FAM20A: variants seen among roughly 807,000 people sequenced by gnomAD.
The protein encoded by FAM20A is FAM20A golgi associated secretory pathway pseudokinase.
A neutral mutation model predicts 52.0 loss-of-function variants in FAM20A; 42 were observed. The ratio of observed to expected loss-of-function variants is 0.81; its 90% CI spans 0.63 to 1.04. FAM20A has a LOEUF of 1.04. FAM20A is among the 50% of genes least tolerant of loss of function. The pLI is 0.00. For missense variants in FAM20A, 742 were observed against 712.7 expected (o/e 1.04, Z -0.47); for synonymous variants, 304 against 298.9 (o/e 1.02, Z -0.18).
At chr17:68,574,601 T>C (rs999959599) in intron 1 of FAM20A, among the ~76,000 whole-genome samples, 2 of 152,332 alleles carry the variant, frequency 1.3e-5, no homozygotes, top group Admixed American at 1.3e-4. Flanking sequence ...GAGTTATTGT[T>C]ACTGTGACTT....
chr17:68,559,696 C>CTG (rs2087155595), intron 1 of FAM20A, among the ~76,000 whole-genome samples: 1 of 152,212 alleles, frequency 6.6e-6, no homozygotes, highest in Non-Finnish European at 1.5e-5. Context: ...AATGTCAAGA[C>CTG]TCTTCCATCC....
intron 1 of FAM20A, among the ~76,000 whole-genome samples, chr17:68,591,594 A>G (rs977178197): frequency 6.6e-6 from 1 of 152,236 alleles, no homozygotes; most frequent in Non-Finnish European, 1.5e-5. Flanking sequence ...GAGACAGGAG[A>G]CAGCTAAGGG....
rs1242797128 is a variant in FAM20A at position 68,536,659 on chromosome 17, T to C, written c.*818A>G. On this transcript the variant is annotated 3_prime_UTR_variant, in exon 11 of 11. Transcript: ENST00000592554. The stretch of plus-strand genomic sequence containing the variant: ...TTGGTGGGCTGTAGTCAGCCTTGGC[T>C]CTTTTCCTGCCTTACTCCAGGCTTG... The C allele has an allele frequency of 2.2e-6, 1 of 452,748 alleles. No individual in the cohort carries two copies. Among genetic ancestry groups the C allele is most frequent in the East Asian group, 6.9e-5 (1 of 14,398 alleles). The allele number at this position is 452,748 out of a possible 1,614,324, so 28.0% of individuals were successfully genotyped here. A position where few individuals can be genotyped will look rare whatever the true frequency, so the allele number is the denominator to read the frequency against.
chr17:68,578,838 CAAAAAA>C lies in FAM20A; in HGVS notation c.404+21419_404+21424del, dbSNP rs5821664. Among the ~76,000 whole-genome samples, 9 of 36,072 alleles carry C rather than the reference CAAAAAA, an allele frequency of 2.5e-4. No individual in the cohort carries two copies. The South Asian group carries it at 7.7e-3, about 31-fold the overall frequency. 23.7% of individuals were successfully genotyped at this position (36,072 alleles called of 152,430 possible). ...GAAACCCTGTCTCTACTAAAAATAC[CAAAAAA>C]AAAAAAAAAAAAAAAAAAAAAATTA... On this transcript the variant is annotated intron_variant, in intron 1 of 10. Transcript: ENST00000592554.
chr17:68,581,391 T>TTTCTTTC (rs1358209972), intron 1 of FAM20A, among the ~76,000 whole-genome samples: 5 of 147,122 alleles, frequency 3.4e-5, no homozygotes, highest in Non-Finnish European at 7.5e-5. Context: ...TCTTTCTTTC[T>TTTCTTTC]TTCTTTCTTT....
chr17:68,537,409 C>T lies in FAM20A; in HGVS notation c.*68G>A, dbSNP rs2086124700. ...GCAGTAACAGGTGGGAGTGAGGACG[C>T]AGGGTCGGCACTCGAGTCGACTGCT... On this transcript the variant is annotated 3_prime_UTR_variant, in exon 11 of 11. Transcript: ENST00000592554. The surrounding 1 kb of genome is among the most constrained non-coding windows in gnomAD (Gnocchi z 4.2). The T allele has an allele frequency of 1.2e-6, 2 of 1,603,432 alleles. No homozygotes were observed. The highest frequency in any genetic ancestry group is 1.3e-5 in the African/African-American group (1 of 74,684).
chr17:68,571,997 TATATATATATATA>T (rs1463431672), intron 1 of FAM20A, among the ~76,000 whole-genome samples: 7 of 26,412 alleles, frequency 2.7e-4, no homozygotes, highest in Non-Finnish European at 4.6e-4. Flanking sequence ...CATATATATA[TATATATATATATA>T]TATATATATA....
At chr17:68,589,779 A>G (rs1435091681) in intron 1 of FAM20A, among the ~76,000 whole-genome samples, 1 of 152,266 alleles carries the variant, frequency 6.6e-6, no homozygotes, top group Admixed American at 6.5e-5. Context: ...GGTCAAATAT[A>G]TAAAATTGTT....
At position 68,540,968 on chromosome 17, in the gene FAM20A, A is replaced by G. The variant is rs1600521681; in HGVS notation, c.1110-10T>C. The G allele has an allele frequency of 3.2e-6, 5 of 1,573,856 alleles. No homozygotes were observed. The highest frequency in any genetic ancestry group is 4.6e-5 in the East Asian group (2 of 43,458). ...GGGATTGACCTCCCACCTGAGGGGG[A>G]GAAGAAGTCCTGGGGCTGGAAAAGC... On this transcript the variant is annotated splice_polypyrimidine_tract_variant and intron_variant, in intron 7 of 10. Transcript: ENST00000592554.
At chr17:68,556,721 C>T (rs572611388) in intron 1 of FAM20A, among the ~76,000 whole-genome samples, 62 of 152,094 alleles carry the variant, frequency 4.1e-4, no homozygotes, top group Non-Finnish European at 6.2e-4. Context: ...AATGAGAAGA[C>T]GGAGGCCTCT....
intron 1 of FAM20A, among the ~76,000 whole-genome samples, chr17:68,581,378 C>CTTTCTTTCTT (rs1568773997): frequency 2.1e-5 from 3 of 143,226 alleles, no homozygotes; most frequent in South Asian, 2.2e-4. Context: ...TTCTTTCTTT[C>CTTTCTTTCTT]TTTCTTTCTT....
chr17:68,598,025 AG>A (rs2088505041), intron 1 of FAM20A: 2 of 75,850 alleles, frequency 2.6e-5, no homozygotes, highest in African/African-American at 9.7e-5. Flanking sequence ...TTTTTTTCTG[AG>A]GCAAGGTTTC....
At chr17:68,575,791 T>TACACACACACACAC (rs761949775) in intron 1 of FAM20A, among the ~76,000 whole-genome samples, 7,360 of 104,064 alleles carry the variant, frequency 0.071, 372 homozygotes, top group Non-Finnish European at 0.094. Context: ...TTTTATATTA[T>TACACACACACACAC]ACACACACAC....
At chr17:68,562,461 G>T (rs1322454391) in intron 1 of FAM20A, among the ~76,000 whole-genome samples, 1 of 152,180 alleles carries the variant, frequency 6.6e-6, no homozygotes, top group Non-Finnish European at 1.5e-5. Context: ...CAAACTCAAT[G>T]ATGGTGCTCC....
intron 5 of FAM20A, among the ~76,000 whole-genome samples, 171 bp downstream of exon 5, chr17:68,543,458 G>A (rs899409490): frequency 6.6e-6 from 1 of 152,114 alleles, no homozygotes; most frequent in African/African-American, 2.4e-5. Flanking sequence ...TTCAATCTGG[G>A]GGGTTGCATG....
chr17:68,582,780 ATTTT>A (rs34025800), intron 1 of FAM20A, among the ~76,000 whole-genome samples: 1,244 of 79,808 alleles, frequency 0.016, 15 homozygotes, highest in African/African-American at 0.062. Flanking sequence ...GCCAGGATTA[ATTTT>A]TTTTTTTTTT....
chr17:68,563,155 G>A (rs909465469), intron 1 of FAM20A, among the ~76,000 whole-genome samples: 13 of 152,172 alleles, frequency 8.5e-5, no homozygotes, highest in Non-Finnish European at 1.9e-4. Flanking sequence ...GGAGGCTGAG[G>A]CGGGCAGATC....
chr17:68,553,977 C>CATGCATATATACATATACACACATAT (rs1555824471), intron 3 of FAM20A, among the ~76,000 whole-genome samples: 2 of 116,472 alleles, frequency 1.7e-5, no homozygotes, highest in African/African-American at 3.4e-5. Context: ...TATATACACA[C>CATGCATATATACATATACACACATAT]ATGCATATAT....
At chr17:68,540,134 G>A (rs766679745) in intron 8 of FAM20A, among the ~76,000 whole-genome samples, 168 bp from the exon 9 acceptor site, 23 of 152,172 alleles carry the variant, frequency 1.5e-4, no homozygotes, top group African/African-American at 3.6e-4. Context: ...TGAAGCAGCC[G>A]CAGGAGGGAG....
Sources: gnomAD v4.1 joint callset for allele counts (sites outside exome capture counted in the v4.1 genomes callset) on GRCh38, gnomAD v4.1.1 for gene constraint, Gnocchi (gnomAD v3.1) non-coding constraint, MANE v1.5 for transcripts, NCBI Gene and HGNC (gene_info 2026-07-23, HGNC 2026-07-21) for gene names.